Variants in PACRG observed in about 807,000 individuals in gnomAD.
The protein encoded by PACRG is parkin coregulated gene protein.
Under a neutral mutation model 29.7 loss-of-function variants are expected in PACRG, and 29 were observed. The ratio of observed to expected loss-of-function variants is 0.98; its 90% CI spans 0.73 to 1.33. The LOEUF is 1.33. Among genes scored for constraint, PACRG ranks in the 40% most tolerant of loss-of-function variants. The pLI is 0.00. For synonymous variants in PACRG, 116 were observed against 118.7 expected, an observed-to-expected ratio of 0.98 and a Z score of 0.15; for missense variants, 279 against 316.2, an observed-to-expected ratio of 0.88 and a Z score of 0.89.
At chr6:162,848,027 C>T (rs1012568304) in intron 2 of PACRG, among the ~76,000 whole-genome samples, 5 of 152,054 alleles carry the variant, frequency 3.3e-5, no homozygotes, top group Non-Finnish European at 7.3e-5. Context: ...TTAGTGACCC[C>T]GGCAGGAGTG....
intron 2 of PACRG, among the ~76,000 whole-genome samples, chr6:162,832,660 T>C (rs1788883002): frequency 6.6e-6 from 1 of 152,172 alleles, no homozygotes; most frequent in Non-Finnish European, 1.5e-5. Flanking sequence ...ATTCTGATAA[T>C]TAACATCTGT....
intron 2 of PACRG, chr6:163,053,963 TC>T (rs1810293112): frequency 6.6e-6 from 1 of 151,896 alleles, no homozygotes; most frequent in African/African-American, 2.4e-5. Context: ...AATGACAAGC[TC>T]CCTAAAAAAA....
chr6:162,921,918 C>T (rs1419231144), intron 2 of PACRG, among the ~76,000 whole-genome samples: 1 of 152,122 alleles, frequency 6.6e-6, no homozygotes, highest in East Asian at 1.9e-4. Flanking sequence ...CAGAGGCCCC[C>T]CTCACCCCAA....
intron 2 of PACRG, among the ~76,000 whole-genome samples, chr6:162,857,768 G>GT (rs34674869): frequency 0.47 from 68,313 of 146,540 alleles, 16,339 homozygotes; most frequent in African/African-American, 0.64. Flanking sequence ...CATTTGCTCT[G>GT]TTTTTTTTTT....
Position 163,179,043 on chromosome 6 carries a change from G to A in PACRG, c.613+89635G>A, listed in dbSNP as rs2128352221. Among the ~76,000 whole-genome samples the A allele has an allele frequency of 1.3e-5, 2 of 152,284 alleles. 1 individual carries two copies. Among genetic ancestry groups the A allele is most frequent in the South Asian group, 4.1e-4 (2 of 4,822 alleles). On this transcript the variant is annotated intron_variant, in intron 4 of 4. Transcript: ENST00000366888. ...TCATTTGTGATGAGCTGAATTTTCAGGCTGATGAAATAAGTCACTGATATT... is the reference window on the plus strand; with the variant it reads ...TCATTTGTGATGAGCTGAATTTTCAAGCTGATGAAATAAGTCACTGATATT...
intron 2 of PACRG, among the ~76,000 whole-genome samples, chr6:162,874,158 A>ATATT (rs1793081527): frequency 6.9e-6 from 1 of 145,274 alleles, no homozygotes; most frequent in Non-Finnish European, 1.5e-5. Context: ...AAAAATATAT[A>ATATT]TATATATATG....
intron 1 of PACRG, among the ~76,000 whole-genome samples, chr6:162,803,779 A>G (rs1786080941): frequency 1.3e-5 from 2 of 152,150 alleles, no homozygotes; most frequent in Non-Finnish European, 2.9e-5. Flanking sequence ...AGTAATCTAA[A>G]TTGAACAGGA....
chr6:163,168,154 A>G (rs1344781998), intron 4 of PACRG, among the ~76,000 whole-genome samples: 2 of 152,236 alleles, frequency 1.3e-5, no homozygotes, highest in Admixed American at 6.5e-5. Context: ...TCCTGTAGGA[A>G]AACAGAATGG....
In PACRG at chr6:162,797,957, C is replaced by A. The variant is rs1410406482; in HGVS notation, c.157-16190C>A. ...TCCTTTCATGTAAGTGAGGGATTCA[C>A]CAAGTTTTAAAAATTCCTGGCAAGC... On this transcript the variant is annotated intron_variant, in intron 1 of 4. Transcript: ENST00000366888. 4.6e-5 allele frequency among the ~76,000 whole-genome samples: 7 copies of A among 152,270 alleles called. No homozygotes were observed. The East Asian group carries it at 1.2e-3, about 25-fold the overall frequency.
chr6:162,764,250 G>A (rs919132373), intron 1 of PACRG, among the ~76,000 whole-genome samples: 2 of 152,112 alleles, frequency 1.3e-5, no homozygotes, highest in Non-Finnish European at 2.9e-5. Flanking sequence ...ACTGCATCCT[G>A]GGTGACAGAG....
chr6:163,165,711 G>A (rs901651303), intron 4 of PACRG: 1 of 235,842 alleles, frequency 4.2e-6, no homozygotes, highest in East Asian at 1.3e-4. Context: ...CTTCAAGTCG[G>A]TTCACCCTGT....
chr6:163,201,774 T>A (rs1436946401), intron 4 of PACRG, among the ~76,000 whole-genome samples: 1 of 152,180 alleles, frequency 6.6e-6, no homozygotes, highest in Non-Finnish European at 1.5e-5. Context: ...GTGACGGTTC[T>A]CTCTCCGCTG....
chr6:162,764,281 A>G (rs994232963), intron 1 of PACRG, among the ~76,000 whole-genome samples: 1 of 152,132 alleles, frequency 6.6e-6, no homozygotes, highest in African/African-American at 2.4e-5. Flanking sequence ...TCACAAAAAA[A>G]GGGGGGAGGG....
At chr6:162,874,044 T>C (rs2127998851) in intron 2 of PACRG, among the ~76,000 whole-genome samples, 1 of 152,024 alleles carries the variant, frequency 6.6e-6, no homozygotes, top group African/African-American at 2.4e-5. Flanking sequence ...ATAGTGATTA[T>C]TTCAGAAATG....
intron 4 of PACRG, among the ~76,000 whole-genome samples, chr6:163,111,508 A>G (rs550672703): frequency 1.1e-4 from 16 of 152,370 alleles, no homozygotes; most frequent in South Asian, 8.3e-4. Flanking sequence ...TAATAACTGC[A>G]TAAACTTAGA....
intron 3 of PACRG, among the ~76,000 whole-genome samples, chr6:163,079,332 G>A (rs1458662773): frequency 6.6e-6 from 1 of 151,210 alleles, no homozygotes; most frequent in Non-Finnish European, 1.5e-5. Context: ...GATACATGAG[G>A]TATCCCACTC....
chr6:163,081,476 A>C (rs1282915919), intron 3 of PACRG, among the ~76,000 whole-genome samples: 1 of 152,188 alleles, frequency 6.6e-6, no homozygotes, highest in Non-Finnish European at 1.5e-5. Flanking sequence ...AAAAAGGTGA[A>C]AAGGCATGGT....
chr6:163,305,984 C>T (rs188515825), intron 4 of PACRG, among the ~76,000 whole-genome samples: 6 of 152,106 alleles, frequency 3.9e-5, no homozygotes, highest in South Asian at 2.1e-4. Flanking sequence ...TGAACCTTCC[C>T]GCCATCATTC....
At chr6:162,738,361 G>C (rs1780326604) in intron 1 of PACRG, among the ~76,000 whole-genome samples, 1 of 152,166 alleles carries the variant, frequency 6.6e-6, no homozygotes, top group African/African-American at 2.4e-5. Context: ...ATTAATAGCA[G>C]AATGCTATCA....
Sources: allele counts gnomAD v4.1 joint callset (sites outside exome capture counted in the v4.1 genomes callset), GRCh38; gene constraint gnomAD v4.1.1; transcripts MANE v1.5; gene names NCBI Gene and HGNC (gene_info 2026-07-23, HGNC 2026-07-21).